SPIRE1: variants seen among roughly 807,000 people sequenced by gnomAD.
SPIRE1 encodes the protein spire type actin nucleation factor 1.
A neutral mutation model predicts 94.1 loss-of-function variants in SPIRE1; 40 were observed. The observed-to-expected ratio is 0.43, with a 90% CI of 0.33 to 0.55. The LOEUF is 0.55. Ranked by LOEUF, SPIRE1 falls within the 20% of genes least tolerant of loss-of-function variation. SPIRE1 has a pLI of 0.06. For synonymous variants in SPIRE1, 376 were observed against 371.7 expected, an observed-to-expected ratio of 1.01 and a Z score of -0.13; for missense variants, 838 against 975.2, an observed-to-expected ratio of 0.86 and a Z score of 1.87.
intron 2 of SPIRE1, among the ~76,000 whole-genome samples, chr18:12,564,141 A>G (rs2035756726): frequency 6.6e-6 from 1 of 152,192 alleles, no homozygotes; most frequent in Admixed American, 6.5e-5. Flanking sequence ...CTAGCAAAAC[A>G]TCCAGGAAAA....
chr18:12,450,754 T>C, intron 16 of SPIRE1: 1 of 702,192 alleles, frequency 1.4e-6, no homozygotes, highest in South Asian at 1.5e-5. Flanking sequence ...TCCTGCTCTG[T>C]TCAGAATTCC....
At chr18:12,600,159 G>A (rs997993115) in intron 2 of SPIRE1, among the ~76,000 whole-genome samples, 2 of 150,600 alleles carry the variant, frequency 1.3e-5, no homozygotes, top group Non-Finnish European at 2.9e-5. Context: ...AGCTGAATGT[G>A]GCCACAAGCA....
chr18:12,465,656 A>G (rs1293933483), intron 10 of SPIRE1, among the ~76,000 whole-genome samples: 1 of 152,200 alleles, frequency 6.6e-6, no homozygotes, highest in East Asian at 1.9e-4. Context: ...GCCTCATGGG[A>G]GCAGATGCTG....
intron 2 of SPIRE1, among the ~76,000 whole-genome samples, chr18:12,609,741 C>T (rs1449058622): frequency 1.3e-5 from 2 of 152,180 alleles, no homozygotes; most frequent in East Asian, 1.9e-4. Flanking sequence ...TCCTCACTGA[C>T]ATAAATCAGT....
intron 1 of SPIRE1, among the ~76,000 whole-genome samples, chr18:12,655,225 C>CAA (rs776751877): frequency 1.0e-4 from 8 of 76,558 alleles, no homozygotes; most frequent in African/African-American, 2.8e-4. Context: ...AAGACCCTGT[C>CAA]AAAAAAAAAA....
intron 2 of SPIRE1, among the ~76,000 whole-genome samples, chr18:12,586,260 A>G (rs941186627): frequency 2.6e-5 from 4 of 152,162 alleles, no homozygotes; most frequent in African/African-American, 9.7e-5. Context: ...GGCCTCTTTC[A>G]TACTTTTTAA....
At chr18:12,558,145 G>A (rs2035572836) in intron 2 of SPIRE1, among the ~76,000 whole-genome samples, 1 of 152,220 alleles carries the variant, frequency 6.6e-6, no homozygotes, top group African/African-American at 2.4e-5. Flanking sequence ...CAGTGTTCCA[G>A]TTCTTAAAGA....
At chr18:12,473,546 T>A (rs1322171357) in intron 10 of SPIRE1, among the ~76,000 whole-genome samples, 1 of 152,180 alleles carries the variant, frequency 6.6e-6, no homozygotes, top group East Asian at 1.9e-4. Context: ...AGGCATCATG[T>A]TGGAAAAGGA....
chr18:12,449,813 A>G lies in SPIRE1; in HGVS notation c.2096T>C (p.Met699Thr), dbSNP rs2031135319. ...PKELMEDWST[M>T]EVCVDCKKFI... ...CTTCTTGCAGTCCACACACACCTCC[A>G]TGGTGCTCCAGTCCTCCATCAACTC... The change falls in exon 17 of 17, where the codon ATG becomes ACG. Residue 699 changes from methionine to threonine, a missense_variant. Transcript: ENST00000409402. The G allele has an allele frequency of 6.2e-7, 1 of 1,614,048 alleles. No homozygotes were observed. The highest frequency in any genetic ancestry group is 8.5e-7 in the Non-Finnish European group (1 of 1,180,004).
rs1567968670 is a variant in SPIRE1 at position 12,615,342 on chromosome 18, A to AT, written c.372+19719_372+19720insA. ...AACTCTGTCTCAAAAAAAAAAAAAA[A>AT]AAAATATATATATATATATATATAT... On this transcript the variant is annotated intron_variant, in intron 2 of 16. Coordinates refer to ENST00000409402, the MANE Select transcript of SPIRE1 (RefSeq NM_001128626.2). Among the ~76,000 whole-genome samples the AT allele has an allele frequency of 2.0e-3, 117 of 58,254 alleles. 5 individuals carry two copies. The highest frequency in any genetic ancestry group is 4.2e-3 in the South Asian group (7 of 1,672). The allele number at this position is 58,254 out of a possible 152,430, so 38.2% of individuals were successfully genotyped here.
intron 10 of SPIRE1, among the ~76,000 whole-genome samples, chr18:12,478,174 C>T (rs1568195550): frequency 6.6e-6 from 1 of 151,818 alleles, no homozygotes; most frequent in Non-Finnish European, 1.5e-5. Flanking sequence ...AAGAATAATT[C>T]CTCAGATTCT....
intron 2 of SPIRE1, among the ~76,000 whole-genome samples, chr18:12,626,729 T>C (rs2037636192): frequency 6.6e-6 from 1 of 152,038 alleles, no homozygotes; most frequent in African/African-American, 2.4e-5. Flanking sequence ...TCTGGCTATG[T>C]CGGCTTGGGC....
intron 12 of SPIRE1, 67 bp downstream of exon 12, chr18:12,463,284 A>T: frequency 7.1e-7 from 1 of 1,410,926 alleles, no homozygotes; most frequent in Non-Finnish European, 9.4e-7. Flanking sequence ...CATCTTCATA[A>T]GAAAGCTAAT....
At chr18:12,534,223 T>C (rs2034773733) in intron 4 of SPIRE1, among the ~76,000 whole-genome samples, 1 of 152,182 alleles carries the variant, frequency 6.6e-6, no homozygotes, top group Non-Finnish European at 1.5e-5. Context: ...CATCACCTAC[T>C]TACTACCAGG....
intron 12 of SPIRE1, among the ~76,000 whole-genome samples, chr18:12,456,706 T>C (rs2031523390): frequency 6.6e-6 from 1 of 152,200 alleles, no homozygotes; most frequent in Non-Finnish European, 1.5e-5. Flanking sequence ...AGGGATACGC[T>C]AGCATGGCAC....
intron 1 of SPIRE1, among the ~76,000 whole-genome samples, chr18:12,641,076 G>A (rs1168598793): frequency 6.6e-6 from 1 of 151,866 alleles, no homozygotes; most frequent in Non-Finnish European, 1.5e-5. Flanking sequence ...AAAAGGAGAG[G>A]GTTCATGAAA....
chr18:12,494,838 C>CAAAAA (rs71172091), intron 7 of SPIRE1, among the ~76,000 whole-genome samples: 25 of 32,008 alleles, frequency 7.8e-4, no homozygotes, highest in African/African-American at 1.3e-3. Flanking sequence ...GACTCCATCT[C>CAAAAA]AAAAAAAAAA....
intron 4 of SPIRE1, among the ~76,000 whole-genome samples, chr18:12,526,067 A>ACACACACACACACACC (rs1467613025): frequency 8.6e-6 from 1 of 116,140 alleles, no homozygotes; most frequent in African/African-American, 2.8e-5. Flanking sequence ...ACACACACAC[A>ACACACACACACACACC]CACACACACA....
chr18:12,590,516 CAA>C, intron 2 of SPIRE1, among the ~76,000 whole-genome samples: 1 of 152,062 alleles, frequency 6.6e-6, no homozygotes, highest in South Asian at 2.1e-4. Flanking sequence ...AGGAAAAAAA[CAA>C]AAAGAGAGAA....
Sources: gnomAD v4.1 joint callset for allele counts (sites outside exome capture counted in the v4.1 genomes callset) on GRCh38, gnomAD v4.1.1 for gene constraint, MANE v1.5 for transcripts, NCBI Gene and HGNC (gene_info 2026-07-23, HGNC 2026-07-21) for gene names.